The following RAPGEF1 variants were observed in gnomAD, a reference collection of about 807,000 sequenced individuals.
RAPGEF1 encodes the protein Rap guanine nucleotide exchange factor 1.
A neutral mutation model predicts 143.3 loss-of-function variants in RAPGEF1; 33 were observed. That is an observed-to-expected ratio of 0.23 (90% CI 0.17 to 0.31). RAPGEF1 has a LOEUF of 0.31. RAPGEF1 is among the 10% of genes least tolerant of loss of function. RAPGEF1 has a pLI of 1.00. For synonymous variants in RAPGEF1, 629 were observed against 676.5 expected (o/e 0.93, Z 1.09); for missense variants, 1,199 against 1,645.4 (o/e 0.73, Z 4.69).
Position 131,592,022 on chromosome 9 carries a change from G to A in RAPGEF1, c.2774+77C>T, listed in dbSNP as rs548751535. ...TATGCTGCTCGGCTTCCCCCACGAG[G>A]ACTGAAGGGCAAGAGGGTCCCTCTC... is the stretch of plus-strand genomic sequence containing the variant. On this transcript the variant is annotated intron_variant, in intron 18 of 26. Coordinates refer to ENST00000683357, the MANE Select transcript of RAPGEF1 (RefSeq NM_001377935.1). 130 of 1,145,048 alleles carry A rather than the reference G, an allele frequency of 1.1e-4. No individual in the cohort carries two copies. In the African/African-American group the frequency reaches 1.7e-3, roughly 15 times the overall value. The allele number at this position is 1,145,048 out of a possible 1,614,324, so 70.9% of individuals were successfully genotyped here.
Position 131,628,451 on chromosome 9 carries a change from G to A in RAPGEF1, c.1017+98C>T, listed in dbSNP as rs773736600. 39 of 1,471,726 alleles carry A rather than the reference G, an allele frequency of 2.6e-5. No individual in the cohort carries two copies. Among genetic ancestry groups the A allele is most frequent in the Admixed American group, 4.1e-5 (2 of 49,308 alleles). The allele number at this position is 1,471,726 out of a possible 1,614,324, so 91.2% of individuals were successfully genotyped here. ...ACTCCTCGATGTGACAAACACCAGC[G>A]CCTGAAGACCATGGGTTTCTTTCAG... On this transcript the variant is annotated intron_variant, in intron 8 of 26. Transcript: ENST00000683357. The surrounding 1 kb of genome is among the most constrained non-coding windows in gnomAD (Gnocchi z 5.7).
At chr9:131,677,575 C>T (rs1441869956) in intron 1 of RAPGEF1, among the ~76,000 whole-genome samples, 4 of 152,154 alleles carry the variant, frequency 2.6e-5, no homozygotes, top group African/African-American at 9.7e-5. Flanking sequence ...GTCCATTTTG[C>T]TTCAGGATAT....
chr9:131,722,431 C>T (rs1035650408), intron 1 of RAPGEF1, among the ~76,000 whole-genome samples: 4 of 152,312 alleles, frequency 2.6e-5, no homozygotes, highest in African/African-American at 9.6e-5. Flanking sequence ...AGAGTAAGTG[C>T]TGCTGATGGA....
In RAPGEF1 at chr9:131,577,647, A is replaced by T. The variant is rs1191978098; in HGVS notation, c.*1850T>A. The T allele has an allele frequency of 2.0e-5, 3 of 152,364 alleles. No individual in the cohort carries two copies. Among genetic ancestry groups the T allele is most frequent in the African/African-American group, 7.2e-5 (3 of 41,460 alleles). The allele number at this position is 152,364 out of a possible 1,614,324, so 9.4% of individuals were successfully genotyped here. ...AGAGCTGGGCAAGGGAAGGGGAGAG[A>T]GAGTCAAGGATTGAAATGAAGGGAC... On this transcript the variant is annotated 3_prime_UTR_variant, in exon 27 of 27. Coordinates refer to ENST00000683357, the MANE Select transcript of RAPGEF1 (RefSeq NM_001377935.1).
At chr9:131,711,480 C>T (rs1261908018) in intron 1 of RAPGEF1, among the ~76,000 whole-genome samples, 1 of 152,038 alleles carries the variant, frequency 6.6e-6, no homozygotes, top group African/African-American at 2.4e-5. Context: ...GCCTCAGCCT[C>T]CTGAATAGCT....
At chr9:131,579,751 C>G (rs776962369) in intron 26 of RAPGEF1, 104 bp from the exon 27 acceptor site, 31 of 1,257,162 alleles carry the variant, frequency 2.5e-5, no homozygotes, top group Middle Eastern at 2.7e-4. Flanking sequence ...CCCACAGCCT[C>G]GCAGCAAACG....
chr9:131,627,029 T>C (rs12339859), intron 9 of RAPGEF1, among the ~76,000 whole-genome samples: 2,902 of 151,802 alleles, frequency 0.019, 99 homozygotes, highest in African/African-American at 0.067. Flanking sequence ...CTGGTCAACA[T>C]GGTGAAATCC....
In RAPGEF1 at chr9:131,650,664, G is replaced by A; in HGVS notation, c.201+146C>T. On this transcript the variant is annotated intron_variant, in intron 2 of 26. Coordinates refer to ENST00000683357, the MANE Select transcript of RAPGEF1 (RefSeq NM_001377935.1). The surrounding 1 kb of genome is among the most constrained non-coding windows in gnomAD (Gnocchi z 4.7). ...CATCCTAATGGTTCTTATTTTACAA[G>A]GACACCAAAGGTCCCGCCCATGGAA... is the stretch of plus-strand genomic sequence containing the variant. 1 of 1,233,572 alleles carries A rather than the reference G, an allele frequency of 8.1e-7. No individual in the cohort carries two copies. Among genetic ancestry groups the A allele is most frequent in the Non-Finnish European group, 1.1e-6 (1 of 883,096 alleles). The allele number at this position is 1,233,572 out of a possible 1,614,324, so 76.4% of individuals were successfully genotyped here.
Position 131,584,884 on chromosome 9 carries a change from G to A in RAPGEF1, c.3234-288C>T, listed in dbSNP as rs1052975129. 6.6e-6 allele frequency among the ~76,000 whole-genome samples: 1 copy of A among 152,240 alleles called. No individual in the cohort carries two copies. The highest frequency in any genetic ancestry group is 2.4e-5 in the African/African-American group (1 of 41,464). On this transcript the variant is annotated intron_variant, in intron 22 of 26. Coordinates refer to ENST00000683357, the MANE Select transcript of RAPGEF1 (RefSeq NM_001377935.1). This position sits in a 1 kb window ranked among gnomAD's most constrained non-coding sequence, Gnocchi z 6.8. ...TCGAATCTGCAGGTGGAGCATGGGA[G>A]GATGAAAGCAGAGCCTTTCCTGACA...
At chr9:131,592,062 A>G in intron 18 of RAPGEF1, 37 bp downstream of exon 18, 5 of 1,497,538 alleles carry the variant, frequency 3.3e-6, no homozygotes, top group Non-Finnish European at 4.6e-6. Context: ...CAAAATGCCC[A>G]TGGTGCAGGG....
At chr9:131,697,736 G>A (rs1033677438) in intron 1 of RAPGEF1, among the ~76,000 whole-genome samples, 9 of 152,236 alleles carry the variant, frequency 5.9e-5, no homozygotes, top group Non-Finnish European at 1.3e-4. Flanking sequence ...CAGTGTCAGA[G>A]ACAAAGTTCA....
chr9:131,710,191 A>G (rs1835410730), intron 1 of RAPGEF1, among the ~76,000 whole-genome samples: 1 of 152,158 alleles, frequency 6.6e-6, no homozygotes, highest in South Asian at 2.1e-4. Flanking sequence ...CCACGCTCAG[A>G]CCAGTGTGCA....
intron 14 of RAPGEF1, among the ~76,000 whole-genome samples, chr9:131,603,427 C>T (rs971628958): frequency 2.0e-4 from 31 of 152,208 alleles, no homozygotes; most frequent in African/African-American, 7.0e-4. Flanking sequence ...GTGCTGACGT[C>T]GGGTACCTTG....
chr9:131,713,058 T>C (rs1405161417), intron 1 of RAPGEF1, among the ~76,000 whole-genome samples: 1 of 152,128 alleles, frequency 6.6e-6, no homozygotes, highest in Non-Finnish European at 1.5e-5. Flanking sequence ...CCAGTCCACA[T>C]TTCAGGGAGA....
chr9:131,712,545 C>T (rs756419982), intron 1 of RAPGEF1, among the ~76,000 whole-genome samples: 1 of 152,196 alleles, frequency 6.6e-6, no homozygotes, highest in Non-Finnish European at 1.5e-5. Context: ...ATCAGGAGTG[C>T]GAAGCCCCTG....
At chr9:131,668,774 GA>G (rs941582374) in intron 1 of RAPGEF1, among the ~76,000 whole-genome samples, 3 of 151,956 alleles carry the variant, frequency 2.0e-5, no homozygotes, top group African/African-American at 7.2e-5. Context: ...GAGGCAAAAT[GA>G]AAAAAAGAGT....
rs112100377 is a variant in RAPGEF1, at chr9:131,593,004, A to T, written c.2690-821T>A. Among the ~76,000 whole-genome samples the T allele has an allele frequency of 8.1e-3, 1,240 of 152,308 alleles. 16 individuals carry two copies. The highest frequency in any genetic ancestry group is 0.028 in the African/African-American group (1,182 of 41,568). ...GTGATTCACTCAGCTTGGCCTCCCAAAGTGCTGGGATTACAGGCGTGAGCC... is the reference window on the plus strand; with the variant it reads ...GTGATTCACTCAGCTTGGCCTCCCATAGTGCTGGGATTACAGGCGTGAGCC... On this transcript the variant is annotated intron_variant, in intron 17 of 26. Coordinates refer to ENST00000683357, the MANE Select transcript of RAPGEF1 (RefSeq NM_001377935.1).
chr9:131,714,519 T>C (rs1835723904), intron 1 of RAPGEF1, among the ~76,000 whole-genome samples: 1 of 151,922 alleles, frequency 6.6e-6, no homozygotes, highest in Non-Finnish European at 1.5e-5. Context: ...GTCACTTCCC[T>C]CCTGGAGAAA....
intron 1 of RAPGEF1, among the ~76,000 whole-genome samples, chr9:131,704,988 T>C (rs986941405): frequency 5.9e-5 from 9 of 152,250 alleles, no homozygotes; most frequent in Non-Finnish European, 4.4e-5. Flanking sequence ...ACACATTTAC[T>C]GTTTGTAAAC....
Sources: gnomAD v4.1 joint callset for allele counts (sites outside exome capture counted in the v4.1 genomes callset) on GRCh38, gnomAD v4.1.1 for gene constraint, Gnocchi (gnomAD v3.1) non-coding constraint, MANE v1.5 for transcripts, NCBI Gene and HGNC (gene_info 2026-07-23, HGNC 2026-07-21) for gene names.